WWP1: variants seen among roughly 807,000 people sequenced by gnomAD.
WWP1 encodes WW domain containing E3 ubiquitin protein ligase 1, also known as NEDD4-like E3 ubiquitin-protein ligase WWP1.
A neutral mutation model predicts 130.6 loss-of-function variants in WWP1; 49 were observed. The ratio of observed to expected loss-of-function variants is 0.38; its 90% CI spans 0.30 to 0.48. The LOEUF (loss-of-function observed/expected upper bound fraction) is 0.48. WWP1 is among the 20% of genes least tolerant of loss of function. WWP1 has a pLI of 0.99. For missense variants in WWP1, 809 were observed against 1,100.6 expected (o/e 0.74, Z 3.75); for synonymous variants, 332 against 367.8 (o/e 0.90, Z 1.11).
chr8:86,393,683 C>A (rs1046603143), intron 5 of WWP1, among the ~76,000 whole-genome samples: 2 of 152,166 alleles, frequency 1.3e-5, no homozygotes, highest in African/African-American at 4.8e-5. Flanking sequence ...CTGTCACTTA[C>A]AAGCTATGTA....
intron 8 of WWP1, among the ~76,000 whole-genome samples, chr8:86,407,293 A>C (rs1808335499): frequency 2.6e-5 from 4 of 151,796 alleles, no homozygotes; most frequent in Admixed American, 2.6e-4. Context: ...TCTTATATCC[A>C]TTTGTCAACA....
chr8:86,421,962 C>T (rs1452658180), intron 9 of WWP1, among the ~76,000 whole-genome samples: 1 of 151,880 alleles, frequency 6.6e-6, no homozygotes, highest in Non-Finnish European at 1.5e-5. Flanking sequence ...TATGGGAGAT[C>T]CTTGAGCCTC....
rs368667255 is a variant in WWP1, at chr8:86,364,663, A to C, written c.-114-4276A>C. The stretch of plus-strand genomic sequence containing the variant: ...CAAAAAACAAACAAAGAAATTAACC[A>C]GGCATGGTGGTGCGTGCCTGTAGTG... On this transcript the variant is annotated intron_variant, in intron 1 of 24. Coordinates refer to ENST00000517970, the MANE Select transcript of WWP1 (RefSeq NM_007013.4). 2.5e-4 allele frequency among the ~76,000 whole-genome samples: 38 copies of C among 152,180 alleles called. 1 individual carries two copies. The South Asian group carries it at 7.5e-3, about 30-fold the overall frequency.
intron 10 of WWP1, among the ~76,000 whole-genome samples, chr8:86,426,672 A>G (rs1241366549): frequency 6.6e-6 from 1 of 152,240 alleles, no homozygotes; most frequent in Non-Finnish European, 1.5e-5. Flanking sequence ...ATGCCATGCC[A>G]GTGAGCCATC....
rs189780900 is a variant in WWP1 at position 86,441,026 on chromosome 8, G to C, written c.1839-1593G>C. On this transcript the variant is annotated intron_variant, in intron 17 of 24. Transcript: ENST00000517970. Reference sequence around the variant, plus strand: ...GAGTATTGAGAAGAATATGTTGAAAGTTAATTCTTCTGCCTCTTGCTAGTT... The same window carrying C: ...GAGTATTGAGAAGAATATGTTGAAACTTAATTCTTCTGCCTCTTGCTAGTT... Among the ~76,000 whole-genome samples the C allele has an allele frequency of 7.4e-4, 113 of 152,274 alleles. 1 individual carries two copies. Among genetic ancestry groups the C allele is most frequent in the African/African-American group, 2.6e-3 (109 of 41,566 alleles).
chr8:86,361,903 A>C (rs1326429968), intron 1 of WWP1, among the ~76,000 whole-genome samples: 2 of 151,264 alleles, frequency 1.3e-5, no homozygotes, highest in Non-Finnish European at 2.9e-5. Flanking sequence ...GAGAGCAAAG[A>C]GCATATTTTA....
intron 1 of WWP1, among the ~76,000 whole-genome samples, chr8:86,355,496 A>C (rs1823201937): frequency 6.6e-6 from 1 of 152,218 alleles, no homozygotes; most frequent in Non-Finnish European, 1.5e-5. Context: ...ATACTATTAA[A>C]ATATCAGTTT....
intron 2 of WWP1, among the ~76,000 whole-genome samples, chr8:86,371,749 G>A (rs184321498): frequency 7.2e-5 from 11 of 151,984 alleles, no homozygotes; most frequent in African/African-American, 1.7e-4. Flanking sequence ...TTTTTGTTTC[G>A]CAAATTTATT....
At chr8:86,347,071 A>C (rs1822625805) in intron 1 of WWP1, among the ~76,000 whole-genome samples, 1 of 152,066 alleles carries the variant, frequency 6.6e-6, no homozygotes, top group Non-Finnish European at 1.5e-5. Flanking sequence ...GTTCAGTGGC[A>C]CAGTCATGGC....
intron 1 of WWP1, among the ~76,000 whole-genome samples, chr8:86,347,709 A>G (rs1822667612): frequency 6.6e-6 from 1 of 152,230 alleles, no homozygotes; most frequent in Non-Finnish European, 1.5e-5. Flanking sequence ...TGAAATGTAG[A>G]TATTTATTTT....
chr8:86,346,632 C>T (rs1822599908), intron 1 of WWP1, among the ~76,000 whole-genome samples: 1 of 152,128 alleles, frequency 6.6e-6, no homozygotes, highest in Non-Finnish European at 1.5e-5. Flanking sequence ...GTAAGATTAT[C>T]TCCCTGGTAA....
At chr8:86,434,177 A>C (rs1458364483) in intron 14 of WWP1, among the ~76,000 whole-genome samples, 2 of 152,192 alleles carry the variant, frequency 1.3e-5, no homozygotes, top group African/African-American at 4.8e-5. Flanking sequence ...TGAATTTCCA[A>C]AACAAAATTT....
intron 8 of WWP1, among the ~76,000 whole-genome samples, chr8:86,404,737 G>T (rs1054772998): frequency 6.6e-6 from 1 of 152,128 alleles, no homozygotes; most frequent in Non-Finnish European, 1.5e-5. Flanking sequence ...TGAAATAGGT[G>T]GTAGTATTTT....
Position 86,461,252 on chromosome 8 carries a change from G to C in WWP1, c.2528G>C (p.Arg843Thr). 1 of 1,614,138 alleles carries C rather than the reference G, an allele frequency of 6.2e-7. No homozygotes were observed. Among genetic ancestry groups the C allele is most frequent in the Non-Finnish European group, 8.5e-7 (1 of 1,180,008 alleles). Reference protein sequence around the residue: ...QFVKETDNEVRMRLLQFVTGT... With the variant: ...QFVKETDNEVTMRLLQFVTGT... The stretch of plus-strand genomic sequence containing the variant: ...GTGAAAGAGACAGACAATGAAGTAA[G>C]AATGCGACTATTGCAGTTCGTCACT... The change falls in exon 23 of 25, where the codon AGA (arginine) becomes ACA (threonine). Residue 843 changes from arginine (R) to threonine (T), a missense_variant. Transcript: ENST00000517970.
At chr8:86,368,189 T>C (rs980121735) in intron 1 of WWP1, among the ~76,000 whole-genome samples, 1 of 152,206 alleles carries the variant, frequency 6.6e-6, no homozygotes, top group African/African-American at 2.4e-5. Context: ...ACATGTATTA[T>C]CTCATTTAAT....
rs1359925006 is a variant in WWP1, at chr8:86,389,878, G to T, written c.334+8249G>T. On this transcript the variant is annotated intron_variant, in intron 5 of 24. Coordinates refer to ENST00000517970, the MANE Select transcript of WWP1 (RefSeq NM_007013.4). ...AGATGGGGCGGCTGGCCGGGCGGGG[G>T]CTGCCCCCCACCTCCTGGACGGGGC... is the stretch of plus-strand genomic sequence containing the variant. 1.9e-4 allele frequency among the ~76,000 whole-genome samples: 29 copies of T among 151,208 alleles called. No individual in the cohort carries two copies. In the South Asian group the frequency reaches 6.1e-3, roughly 32 times the overall value.
chr8:86,435,548 T>C, intron 15 of WWP1, 21 bp downstream of exon 15: 1 of 1,613,754 alleles, frequency 6.2e-7, no homozygotes, highest in Non-Finnish European at 8.5e-7. Flanking sequence ...GGTAAATAAA[T>C]CTTATACTCA....
intron 5 of WWP1, among the ~76,000 whole-genome samples, chr8:86,390,645 C>T (rs1392215598): frequency 6.6e-6 from 1 of 151,174 alleles, no homozygotes. Context: ...ATGGCGGCAG[C>T]ACAGTCCAGC....
chr8:86,420,732 A>G (rs372125430), intron 9 of WWP1, among the ~76,000 whole-genome samples: 60 of 152,324 alleles, frequency 3.9e-4, no homozygotes, highest in African/African-American at 1.4e-3. Context: ...TTTTGCAATA[A>G]GTCTCACAGA....
Sources: gnomAD v4.1 joint callset for allele counts (sites outside exome capture counted in the v4.1 genomes callset) on GRCh38, gnomAD v4.1.1 for gene constraint, MANE v1.5 for transcripts, NCBI Gene and HGNC (gene_info 2026-07-23, HGNC 2026-07-21) for gene names.